Variants in PCSK6 observed in about 807,000 individuals in gnomAD.
PCSK6 encodes the protein paired basic amino acid cleaving enzyme 4.
PCSK6 carries 85 observed loss-of-function variants against 123.3 expected under a neutral mutation model. The ratio of observed to expected loss-of-function variants is 0.69; its 90% CI spans 0.58 to 0.83. PCSK6 has a LOEUF of 0.83. Among genes scored for constraint, PCSK6 ranks in the 40% least tolerant of loss-of-function variants. PCSK6 has a pLI of 0.00. For synonymous variants in PCSK6, 508 were observed against 516.0 expected (o/e 0.98, Z 0.21); for missense variants, 1,191 against 1,282.3 (o/e 0.93, Z 1.09).
In PCSK6 at chr15:101,384,310, C is replaced by T; in HGVS notation, c.1414+12G>A. On this transcript the variant is annotated intron_variant, in intron 10 of 21. Coordinates refer to ENST00000611716, the MANE Select transcript of PCSK6 (RefSeq NM_002570.5). ...GGCCACCCAATGGTCCACCAGAACGCCACTGCCGCACCTTTATGACCCGCG... is the reference window on the plus strand; with the variant it reads ...GGCCACCCAATGGTCCACCAGAACGTCACTGCCGCACCTTTATGACCCGCG... The T allele has an allele frequency of 1.2e-6, 2 of 1,612,878 alleles. No individual in the cohort carries two copies. The highest frequency in any genetic ancestry group is 1.7e-6 in the Non-Finnish European group (2 of 1,179,090).
At chr15:101,484,777 G>A (rs1293499655) in intron 1 of PCSK6, among the ~76,000 whole-genome samples, 1 of 152,208 alleles carries the variant, frequency 6.6e-6, no homozygotes, top group African/African-American at 2.4e-5. Context: ...CACTATTTGA[G>A]AGATGTATCT....
At chr15:101,405,601 A>G (rs1185726735) in intron 6 of PCSK6, among the ~76,000 whole-genome samples, 1 of 152,178 alleles carries the variant, frequency 6.6e-6, no homozygotes, top group Non-Finnish European at 1.5e-5. Context: ...GCATTCCTAT[A>G]AAATCTCCTA....
chr15:101,481,482 A>G (rs577729869), intron 1 of PCSK6, among the ~76,000 whole-genome samples: 5 of 152,304 alleles, frequency 3.3e-5, no homozygotes, highest in East Asian at 1.9e-4. Context: ...AAGCAAAAGC[A>G]TGAAGATGGG....
Position 101,480,344 on chromosome 15 carries a change from C to T in PCSK6, c.297+9030G>A, listed in dbSNP as rs373424601. Among the ~76,000 whole-genome samples, 57 of 152,354 alleles carry T rather than the reference C, an allele frequency of 3.7e-4. 1 individual carries two copies. Among genetic ancestry groups the T allele is most frequent in the East Asian group, 2.7e-3 (14 of 5,180 alleles). On this transcript the variant is annotated intron_variant, in intron 1 of 21. Coordinates refer to ENST00000611716, the MANE Select transcript of PCSK6 (RefSeq NM_002570.5). ...TGTGCGGCTGGGCAGAGCCACAGGT[C>T]GGGCGTGGCTGCGGGGCCCTGTGGA...
intron 13 of PCSK6, among the ~76,000 whole-genome samples, chr15:101,357,642 G>A (rs1367515826): frequency 2.6e-5 from 4 of 152,226 alleles, no homozygotes; most frequent in Non-Finnish European, 5.9e-5. Context: ...CTCGGCCAGC[G>A]GCCGTCCTGC....
intron 15 of PCSK6, among the ~76,000 whole-genome samples, chr15:101,328,431 G>A (rs2040306830): frequency 6.6e-6 from 1 of 152,210 alleles, no homozygotes; most frequent in Non-Finnish European, 1.5e-5. Context: ...TAGGCACAGA[G>A]CAGGTGCTCA....
chr15:101,459,378 G>A (rs540945874), intron 1 of PCSK6, among the ~76,000 whole-genome samples: 1 of 151,934 alleles, frequency 6.6e-6, no homozygotes, highest in African/African-American at 2.4e-5. Flanking sequence ...AATCCTACCA[G>A]GAAAGGACAA....
rs2042504779 is a variant in PCSK6 at position 101,398,933 on chromosome 15, C to T, written c.824-357G>A. On this transcript the variant is annotated intron_variant, in intron 6 of 21. Coordinates refer to ENST00000611716, the MANE Select transcript of PCSK6 (RefSeq NM_002570.5). The surrounding 1 kb of genome is among the most constrained non-coding windows in gnomAD (Gnocchi z 4.6). ...TTATTATTATTTTGAGACAGAGTCT[C>T]ACTCTGTCACCCAGGCTGGAGGGCA... Among the ~76,000 whole-genome samples, 1 of 151,622 alleles carries T rather than the reference C, an allele frequency of 6.6e-6. No homozygotes were observed. Among genetic ancestry groups the T allele is most frequent in the African/African-American group, 2.4e-5 (1 of 40,980 alleles).
intron 1 of PCSK6, among the ~76,000 whole-genome samples, chr15:101,451,628 G>C (rs1019480462): frequency 6.6e-6 from 1 of 152,162 alleles, no homozygotes; most frequent in African/African-American, 2.4e-5. Context: ...AACCCCGTCC[G>C]CTCCGCAGCT....
At chr15:101,396,765 A>G (rs1567189814) in intron 7 of PCSK6, among the ~76,000 whole-genome samples, 1 of 152,096 alleles carries the variant, frequency 6.6e-6, no homozygotes, top group African/African-American at 2.4e-5. Flanking sequence ...TCTTGGGGGA[A>G]TGGAGATAAA....
chr15:101,315,483 C>T (rs2039968234), intron 19 of PCSK6, among the ~76,000 whole-genome samples: 1 of 152,250 alleles, frequency 6.6e-6, no homozygotes, highest in African/African-American at 2.4e-5. Flanking sequence ...TGTGCTTATA[C>T]AGGACCTGCT....
chr15:101,432,189 G>T, intron 2 of PCSK6, 89 bp from the exon 3 acceptor site: 1 of 1,038,044 alleles, frequency 9.6e-7, no homozygotes, highest in Non-Finnish European at 1.5e-6. Flanking sequence ...CCTTCCTTGT[G>T]CGTGAATATC....
Position 101,384,363 on chromosome 15 carries a change from A to G in PCSK6, c.1373T>C (p.Leu458Pro). The change falls in exon 10 of 22, where the codon CTG becomes CCG. Residue 458 changes from leucine (L) to proline (P), a missense_variant. Physicochemically the swap from Leu to Pro is moderately conservative, Grantham distance 98. This residue lies in a region of PCSK6 where 357 missense variants were observed against 484.5 expected (regional missense o/e 0.74). Transcript: ENST00000611716. ...GTTCACTTTCCAGTCGCTCGCTTTC[A>G]GGTGGGCCGGCCGGGATGTCTTCAC... is the stretch of plus-strand genomic sequence containing the variant. ...LLVKTSRPAH[L>P]KASDWKVNGA... The G allele has an allele frequency of 6.2e-7, 1 of 1,613,832 alleles. No homozygotes were observed. Among genetic ancestry groups the G allele is most frequent in the Non-Finnish European group, 8.5e-7 (1 of 1,179,822 alleles).
At chr15:101,395,419 T>C (rs896157670) in intron 7 of PCSK6, among the ~76,000 whole-genome samples, 2 of 152,182 alleles carry the variant, frequency 1.3e-5, no homozygotes, top group African/African-American at 4.8e-5. Context: ...TGCTCAAGGT[T>C]TGCATTTACA....
chr15:101,421,285 A>G (rs2141088615), intron 6 of PCSK6, among the ~76,000 whole-genome samples: 2 of 152,260 alleles, frequency 1.3e-5, no homozygotes, highest in Admixed American at 1.3e-4. Context: ...TGTTTCTTTC[A>G]GTTGATTTAA....
At chr15:101,407,826 G>A (rs2042824308) in intron 6 of PCSK6, among the ~76,000 whole-genome samples, 1 of 152,214 alleles carries the variant, frequency 6.6e-6, no homozygotes, top group South Asian at 2.1e-4. Flanking sequence ...TTCAATGCAT[G>A]GCAGTGGTCT....
Position 101,489,436 on chromosome 15 carries a change from G to T in PCSK6, c.235C>A (p.Leu79Met). The T allele has an allele frequency of 7.9e-7, 1 of 1,263,362 alleles. No individual in the cohort carries two copies. The highest frequency in any genetic ancestry group is 1.0e-6 in the Non-Finnish European group (1 of 991,344). 78.3% of individuals were successfully genotyped at this position (1,263,362 alleles called of 1,614,324 possible). A position where few individuals can be genotyped will look rare whatever the true frequency, so the allele number is the denominator to read the frequency against. ...CGGTCCGCCTCGGCCGGGCCGCCCAGCACTTGCACCGCCCAGTGGTTGGTG... is the reference window on the plus strand; with the variant it reads ...CGGTCCGCCTCGGCCGGGCCGCCCATCACTTGCACCGCCCAGTGGTTGGTG... The part of the protein sequence containing the change: ...VYTNHWAVQV[L>M]GGPAEADRVA... Residue 79 changes from leucine (L) to methionine (M), a missense_variant, in exon 1 of 22, where the codon CTG becomes ATG. Coordinates refer to ENST00000611716, the MANE Select transcript of PCSK6 (RefSeq NM_002570.5).
chr15:101,437,508 T>C (rs2056635649), intron 2 of PCSK6, among the ~76,000 whole-genome samples: 1 of 152,136 alleles, frequency 6.6e-6, no homozygotes, highest in South Asian at 2.1e-4. Context: ...TCCAGGCAGC[T>C]GCGAGCCCAG....
rs981693280 is a variant in PCSK6 at position 101,481,389 on chromosome 15, C to T, written c.297+7985G>A. Among the ~76,000 whole-genome samples the T allele has an allele frequency of 4.6e-5, 7 of 151,142 alleles. No individual in the cohort carries two copies. The South Asian group carries it at 6.3e-4, about 14-fold the overall frequency. On this transcript the variant is annotated intron_variant, in intron 1 of 21. Transcript: ENST00000611716. ...GAAGGCTGAGGGGCGAACCTGGTGA[C>T]GGGTGGGAAGGCTGAGGGGCGAACC...
Sources: gnomAD v4.1 joint callset for allele counts (sites outside exome capture counted in the v4.1 genomes callset) on GRCh38, gnomAD v4.1.1 for gene constraint, gnomAD v4.1.1 regional missense constraint, Gnocchi (gnomAD v3.1) non-coding constraint, MANE v1.5 for transcripts, NCBI Gene and HGNC (gene_info 2026-07-23, HGNC 2026-07-21) for gene names.